THSD4: variants seen among roughly 807,000 people sequenced by gnomAD.
The protein encoded by THSD4 is thrombospondin type 1 domain containing 4, also known as thrombospondin type-1 domain-containing protein 4.
THSD4 carries 69 observed loss-of-function variants against 119.0 expected under a neutral mutation model. The ratio of observed to expected loss-of-function variants is 0.58; its 90% confidence interval spans 0.48 to 0.71. THSD4 has a LOEUF of 0.71. Ranked by LOEUF, THSD4 falls within the 30% of genes least tolerant of loss-of-function variation. THSD4 has a pLI of 0.00. For missense variants in THSD4, 1,393 were observed against 1,391.1 expected (o/e 1.00, Z -0.02); for synonymous variants, 524 against 540.4 (o/e 0.97, Z 0.42).
chr15:71,536,552 A>C (rs981327594), intron 7 of THSD4, among the ~76,000 whole-genome samples: 8 of 152,118 alleles, frequency 5.3e-5, no homozygotes, highest in African/African-American at 1.9e-4. Flanking sequence ...CTTGGTGGAG[A>C]CATTATTCTG....
chr15:71,583,521 C>G (rs1343179336), intron 7 of THSD4, among the ~76,000 whole-genome samples: 1 of 150,784 alleles, frequency 6.6e-6, no homozygotes, highest in Non-Finnish European at 1.5e-5. Context: ...TATTTGAGAT[C>G]CTTGTTTTTT....
chr15:71,162,828 T>C (rs1379246424), intron 3 of THSD4, among the ~76,000 whole-genome samples: 1 of 152,038 alleles, frequency 6.6e-6, no homozygotes, highest in Non-Finnish European at 1.5e-5. Context: ...TAATTCTTAT[T>C]TCTTTTTTTC....
intron 6 of THSD4, among the ~76,000 whole-genome samples, chr15:71,337,644 T>C (rs973856987): frequency 6.6e-6 from 1 of 152,168 alleles, no homozygotes; most frequent in African/African-American, 2.4e-5. Flanking sequence ...TACTGGGCTC[T>C]GGGAGGTTCT....
chr15:71,598,905 C>A (rs1403274923), intron 7 of THSD4, among the ~76,000 whole-genome samples: 2 of 152,196 alleles, frequency 1.3e-5, no homozygotes, highest in Non-Finnish European at 2.9e-5. Context: ...AGTTGAGCCA[C>A]CGCATCTGAC....
At chr15:71,288,227 C>T (rs1596316250) in intron 6 of THSD4, among the ~76,000 whole-genome samples, 1 of 152,120 alleles carries the variant, frequency 6.6e-6, no homozygotes, top group African/African-American at 2.4e-5. Context: ...AAAGAGATAA[C>T]GGCAAACTGG....
chr15:71,520,312 G>T (rs1158734597), intron 7 of THSD4, among the ~76,000 whole-genome samples: 3 of 152,186 alleles, frequency 2.0e-5, no homozygotes, highest in Non-Finnish European at 4.4e-5. Context: ...TTTGATGGAG[G>T]TAAAGCTTGC....
At chr15:71,608,280 A>ACACT (rs2050155865) in intron 7 of THSD4, among the ~76,000 whole-genome samples, 2 of 147,118 alleles carry the variant, frequency 1.4e-5, no homozygotes, top group Non-Finnish European at 3.0e-5. Context: ...ACACACACAC[A>ACACT]CACTCATTGT....
chr15:71,142,534 TA>T (rs1262294507), intron 2 of THSD4, among the ~76,000 whole-genome samples: 10 of 152,288 alleles, frequency 6.6e-5, no homozygotes, highest in African/African-American at 2.4e-4. Context: ...ATTTATACAT[TA>T]TGAGATCAAT....
intron 7 of THSD4, among the ~76,000 whole-genome samples, chr15:71,467,370 G>T (rs1240151370): frequency 6.6e-6 from 1 of 152,190 alleles, no homozygotes; most frequent in East Asian, 1.9e-4. Flanking sequence ...ATAAGGAAAT[G>T]AATACCTGAA....
intron 7 of THSD4, among the ~76,000 whole-genome samples, chr15:71,629,132 T>C (rs955703735): frequency 6.6e-6 from 1 of 152,144 alleles, no homozygotes; most frequent in Non-Finnish European, 1.5e-5. Context: ...TGTCACCGGG[T>C]TGGCTCAATC....
At chr15:71,497,757 T>C (rs1473059354) in intron 7 of THSD4, among the ~76,000 whole-genome samples, 1 of 152,182 alleles carries the variant, frequency 6.6e-6, no homozygotes, top group African/African-American at 2.4e-5. Flanking sequence ...TTAGAATTTT[T>C]TTTTCCTGTT....
intron 7 of THSD4, among the ~76,000 whole-genome samples, chr15:71,624,775 G>C (rs1445310399): frequency 2.0e-5 from 3 of 152,162 alleles, no homozygotes; most frequent in Non-Finnish European, 2.9e-5. Flanking sequence ...CCAGCAAAAA[G>C]ACCCTGTCAG....
At chr15:71,556,400 T>A (rs2049017279) in intron 7 of THSD4, among the ~76,000 whole-genome samples, 2 of 152,020 alleles carry the variant, frequency 1.3e-5, no homozygotes, top group Non-Finnish European at 2.9e-5. Flanking sequence ...TTATTATAAA[T>A]TATGTGTATG....
At chr15:71,450,363 A>G (rs2047245399) in intron 7 of THSD4, among the ~76,000 whole-genome samples, 1 of 151,920 alleles carries the variant, frequency 6.6e-6, no homozygotes, top group African/African-American at 2.4e-5. Context: ...TCTTGCTCTA[A>G]TTTTCACCTG....
intron 7 of THSD4, among the ~76,000 whole-genome samples, chr15:71,534,973 G>GAAAA (rs1020148373): frequency 6.6e-6 from 1 of 152,060 alleles, no homozygotes; most frequent in South Asian, 2.1e-4. Context: ...AAAACAAACA[G>GAAAA]AAAAAAACAG....
chr15:71,623,602 A>G (rs563883716), intron 7 of THSD4, among the ~76,000 whole-genome samples: 5 of 152,306 alleles, frequency 3.3e-5, no homozygotes, highest in Admixed American at 1.3e-4. Flanking sequence ...TTAAGACTCA[A>G]TATTTCATCA....
intron 6 of THSD4, among the ~76,000 whole-genome samples, chr15:71,359,500 A>G (rs2140417597): frequency 6.6e-6 from 1 of 152,310 alleles, no homozygotes; most frequent in Middle Eastern, 3.4e-3. Context: ...GTAATAAGCC[A>G]AGCTGGGATT....
chr15:71,111,367 G>A (rs771633371), upstream of THSD4: 4 of 1,613,664 alleles, frequency 2.5e-6, no homozygotes, highest in Non-Finnish European at 3.4e-6. Flanking sequence ...AGGTCAAGTA[G>A]AGAGTCAGCC....
chr15:71,608,128 C>T (rs1228686895), intron 7 of THSD4, among the ~76,000 whole-genome samples: 2 of 150,386 alleles, frequency 1.3e-5, no homozygotes, highest in Non-Finnish European at 3.0e-5. Context: ...GGGGCCGAGG[C>T]AGGAGAATTG....
Sources: gnomAD v4.1 joint callset for allele counts (sites outside exome capture counted in the v4.1 genomes callset) on GRCh38, gnomAD v4.1.1 for gene constraint, MANE v1.5 for transcripts, NCBI Gene and HGNC (gene_info 2026-07-23, HGNC 2026-07-21) for gene names.